The following AFF3 variants were observed in gnomAD, a reference collection of about 807,000 sequenced individuals.
The protein encoded by AFF3 is ALF transcription elongation factor 3.
Under a neutral mutation model 129.7 loss-of-function variants are expected in AFF3, and 32 were observed. The ratio of observed to expected loss-of-function variants is 0.25; its 90% confidence interval spans 0.19 to 0.33. The LOEUF (loss-of-function observed/expected upper bound fraction) is 0.33. Among genes scored for constraint, AFF3 ranks in the 10% least tolerant of loss-of-function variants. The pLI is 1.00. For missense variants in AFF3, 1,373 were observed against 1,592.0 expected (o/e 0.86, Z 2.34); for synonymous variants, 644 against 635.4 (o/e 1.01, Z -0.20).
intron 11 of AFF3, among the ~76,000 whole-genome samples, chr2:99,719,767 T>C (rs866078002): frequency 6.6e-6 from 1 of 152,190 alleles, no homozygotes; most frequent in Admixed American, 6.5e-5. Flanking sequence ...AAAGTACGTA[T>C]TGGCCGGGCA....
rs569040895 is a variant in AFF3 at position 99,549,939 on chromosome 2, C to T, written c.*1535G>A. On this transcript the variant is annotated 3_prime_UTR_variant, in exon 25 of 25. Coordinates refer to ENST00000672756, the MANE Select transcript of AFF3 (RefSeq NM_001386135.1). ...AAAAAATGGATTGCACCACATATTA[C>T]ACCGCCTGCCTTTCTCAGACCGTCC... is the stretch of plus-strand genomic sequence containing the variant. 43 of 209,416 alleles carry T rather than the reference C, an allele frequency of 2.1e-4. No individual in the cohort carries two copies. The highest frequency in any genetic ancestry group is 9.3e-4 in the African/African-American group (41 of 44,128). 13.0% of individuals were successfully genotyped at this position (209,416 alleles called of 1,614,324 possible). A position where few individuals can be genotyped will look rare whatever the true frequency, so the allele number is the denominator to read the frequency against.
chr2:99,564,899 G>T (rs1304785925), intron 20 of AFF3, among the ~76,000 whole-genome samples: 1 of 152,174 alleles, frequency 6.6e-6, no homozygotes, highest in Admixed American at 6.5e-5. Flanking sequence ...TCCCTTAACT[G>T]TTGGTTACAG....
At chr2:99,596,403 G>C (rs1325055807) in intron 14 of AFF3, among the ~76,000 whole-genome samples, 1 of 152,066 alleles carries the variant, frequency 6.6e-6, no homozygotes, top group African/African-American at 2.4e-5. Flanking sequence ...AAACTAATTT[G>C]GTGGCAAAAA....
chr2:99,920,356 A>G (rs1212712830), intron 7 of AFF3, among the ~76,000 whole-genome samples: 1 of 152,120 alleles, frequency 6.6e-6, no homozygotes, highest in Non-Finnish European at 1.5e-5. Context: ...GCAATCAACT[A>G]GAGTTTATTT....
intron 4 of AFF3, among the ~76,000 whole-genome samples, chr2:100,065,914 CATA>C (rs1449174670): frequency 6.6e-6 from 1 of 152,178 alleles, no homozygotes; most frequent in African/African-American, 2.4e-5. Flanking sequence ...AACTTCATTT[CATA>C]ATAAGTTCTC....
chr2:99,827,531 G>C (rs1423085233), intron 8 of AFF3, among the ~76,000 whole-genome samples: 2 of 151,998 alleles, frequency 1.3e-5, no homozygotes, highest in Non-Finnish European at 2.9e-5. Context: ...GAAGGTGGTG[G>C]GAGAGATGGC....
At chr2:99,846,376 C>G (rs371772731) in intron 7 of AFF3, among the ~76,000 whole-genome samples, 4 of 150,436 alleles carry the variant, frequency 2.7e-5, no homozygotes, top group Non-Finnish European at 5.9e-5. Flanking sequence ...GTGATCTGCC[C>G]GCCTTGGCCT....
intron 13 of AFF3, among the ~76,000 whole-genome samples, chr2:99,648,883 G>GCACACA (rs1435440135): frequency 1.1e-5 from 1 of 90,910 alleles, no homozygotes; most frequent in Non-Finnish European, 2.2e-5. Flanking sequence ...CAAAACACGC[G>GCACACA]CGCACACACA....
intron 7 of AFF3, among the ~76,000 whole-genome samples, chr2:99,849,805 C>T (rs918440649): frequency 6.6e-6 from 1 of 152,012 alleles, no homozygotes; most frequent in African/African-American, 2.4e-5. Flanking sequence ...GATTGATTTC[C>T]CAGTGGGTAG....
chr2:99,672,693 T>A, intron 11 of AFF3, 104 bp from the exon 12 acceptor site: 1 of 1,104,942 alleles, frequency 9.1e-7, no homozygotes, highest in Non-Finnish European at 1.3e-6. Context: ...GAGCAACATT[T>A]TGGAAATAAG....
intron 7 of AFF3, among the ~76,000 whole-genome samples, chr2:99,903,373 T>C (rs1452939270): frequency 6.6e-6 from 1 of 152,192 alleles, no homozygotes; most frequent in Non-Finnish European, 1.5e-5. Context: ...ACTCTATCAA[T>C]ACTTTTTGAG....
intron 7 of AFF3, among the ~76,000 whole-genome samples, chr2:99,934,806 G>A (rs981583868): frequency 1.3e-5 from 2 of 152,134 alleles, no homozygotes; most frequent in Non-Finnish European, 2.9e-5. Flanking sequence ...AGGTCCTTCT[G>A]GATCTTCCCA....
At position 99,549,937 on chromosome 2, in the gene AFF3, T is replaced by A. The variant is rs1197675587; in HGVS notation, c.*1537A>T. 1 of 227,074 alleles carries A rather than the reference T, an allele frequency of 4.4e-6. No homozygotes were observed. Among genetic ancestry groups the A allele is most frequent in the East Asian group, 6.3e-5 (1 of 15,818 alleles). 14.1% of individuals were successfully genotyped at this position (227,074 alleles called of 1,614,324 possible). A position where few individuals can be genotyped will look rare whatever the true frequency, so the allele number is the denominator to read the frequency against. ...TGAAAAAATGGATTGCACCACATATTACACCGCCTGCCTTTCTCAGACCGT... is the reference window on the plus strand; with the variant it reads ...TGAAAAAATGGATTGCACCACATATAACACCGCCTGCCTTTCTCAGACCGT... On this transcript the variant is annotated 3_prime_UTR_variant, in exon 25 of 25. Transcript: ENST00000672756.
In AFF3 at chr2:99,956,865, C is replaced by T. The variant is rs1676694217; in HGVS notation, c.873+49767G>A. ...TATGGAAATTCACCACTGTTGCTGC[C>T]GTGACTGAAGAGGCAACGTGAGTTC... On this transcript the variant is annotated intron_variant, in intron 7 of 24. Transcript: ENST00000672756. Among the ~76,000 whole-genome samples the T allele has an allele frequency of 2.0e-5, 3 of 152,064 alleles. No homozygotes were observed. The South Asian group carries it at 6.2e-4, about 32-fold the overall frequency.
At chr2:99,821,735 A>C (rs951629809) in intron 8 of AFF3, among the ~76,000 whole-genome samples, 2 of 152,194 alleles carry the variant, frequency 1.3e-5, no homozygotes, top group African/African-American at 4.8e-5. Flanking sequence ...CGACACTAAC[A>C]TCACCACAGG....
chr2:99,567,978 C>T (rs1048546194), intron 19 of AFF3, among the ~76,000 whole-genome samples: 1 of 152,204 alleles, frequency 6.6e-6, no homozygotes, highest in Non-Finnish European at 1.5e-5. Context: ...CTGCCCTCCT[C>T]TATTTTCTGA....
In AFF3 at chr2:100,105,524, C is replaced by T; in HGVS notation, c.-85G>A. On this transcript the variant is annotated 5_prime_UTR_variant, in exon 3 of 25. Coordinates refer to ENST00000672756, the MANE Select transcript of AFF3 (RefSeq NM_001386135.1). ...CTCACCGGGAAGGGGGACAAACTGG[C>T]CTCTGGGTGTCGACTTCAAACTTGC... The T allele has an allele frequency of 2.3e-6, 3 of 1,331,584 alleles. No homozygotes were observed. The highest frequency in any genetic ancestry group is 2.5e-5 in the South Asian group (2 of 81,246). The allele number at this position is 1,331,584 out of a possible 1,614,324, so 82.5% of individuals were successfully genotyped here. A position where few individuals can be genotyped will look rare whatever the true frequency, so the allele number is the denominator to read the frequency against.
intron 7 of AFF3, among the ~76,000 whole-genome samples, chr2:99,858,949 T>C (rs1690756751): frequency 6.6e-6 from 1 of 152,226 alleles, no homozygotes; most frequent in Non-Finnish European, 1.5e-5. Flanking sequence ...AGAATTTTGG[T>C]GTGGTTTGAT....
intron 15 of AFF3, among the ~76,000 whole-genome samples, chr2:99,592,255 C>A (rs1221112022): frequency 6.6e-6 from 1 of 152,178 alleles, no homozygotes; most frequent in African/African-American, 2.4e-5. Flanking sequence ...CCTTCTCACT[C>A]CCTGGACTCA....
Sources: gnomAD v4.1 joint callset for allele counts (sites outside exome capture counted in the v4.1 genomes callset) on GRCh38, gnomAD v4.1.1 for gene constraint, MANE v1.5 for transcripts, NCBI Gene and HGNC (gene_info 2026-07-23, HGNC 2026-07-21) for gene names.